Variants in CTSA observed in about 807,000 individuals in gnomAD.
The protein encoded by CTSA is lysosomal protective protein.
CTSA carries 42 observed loss-of-function variants against 66.7 expected under a neutral mutation model. The observed-to-expected ratio is 0.63, with a 90% CI of 0.49 to 0.81. The LOEUF is 0.81. CTSA is among the 40% of genes least tolerant of loss of function. The pLI, the probability that CTSA is intolerant of heterozygous loss-of-function variation, is 0.00. For synonymous variants in CTSA, 225 were observed against 248.6 expected (o/e 0.91, Z 0.89); for missense variants, 525 against 610.9 (o/e 0.86, Z 1.48).
At chr20:45,894,332 G>T (rs1265959025) in intron 8 of CTSA, 4 of 618,620 alleles carry the variant, frequency 6.5e-6, no homozygotes, top group Non-Finnish European at 1.2e-5. Context: ...GCACTGTGCT[G>T]AACTGTGTCT....
chr20:45,891,386 T>G lies in CTSA; in HGVS notation c.-1+7T>G. 6.4e-7 allele frequency: 1 copy of G among 1,569,792 alleles called. No homozygotes were observed. The highest frequency in any genetic ancestry group is 2.0e-4 in the Middle Eastern group (1 of 5,096). On this transcript the variant is annotated splice_region_variant and intron_variant, in intron 1 of 14. Coordinates refer to ENST00000646241, the MANE Select transcript of CTSA (RefSeq NM_000308.4). This position sits in a 1 kb window ranked among gnomAD's most constrained non-coding sequence, Gnocchi z 4.6. ...AGGACGCGGGGGAGCAGAGGTGAGC[T>G]GGCACCGGAGGCTGGAGGGGATCCC...
Position 45,898,010 on chromosome 20 carries a change from G to A in CTSA, c.1260G>A (p.Glu420=). The A allele has an allele frequency of 6.2e-7, 1 of 1,614,178 alleles. No individual in the cohort carries two copies. The highest frequency in any genetic ancestry group is 8.5e-7 in the Non-Finnish European group (1 of 1,180,020). ...WFVDSLNQKM[E]VQRRPWLVKY... is the part of the protein sequence containing the mutation. ...TGTCTTTCCTGGTGGGGCAGATGGA[G>A]GTGCAGCGCCGGCCCTGGTTAGTGA... The change falls in exon 14 of 15, where the codon GAG becomes GAA. Residue 420 remains glutamate (E), a synonymous_variant. Transcript: ENST00000646241. The surrounding 1 kb of genome is among the most constrained non-coding windows in gnomAD (Gnocchi z 4.6).
chr20:45,892,929 T>G (rs2145816266), intron 6 of CTSA, 49 bp downstream of exon 6: 1 of 1,605,594 alleles, frequency 6.2e-7, no homozygotes, highest in East Asian at 2.2e-5. Flanking sequence ...GGCTGTGGCC[T>G]TACAGTTAGC....
chr20:45,897,711 C>T lies in CTSA; in HGVS notation c.1165-6C>T. The T allele has an allele frequency of 3.2e-6, 5 of 1,584,444 alleles. No individual in the cohort carries two copies. Among genetic ancestry groups the T allele is most frequent in the Non-Finnish European group, 2.6e-6 (3 of 1,152,916 alleles). Reference sequence around the variant, plus strand: ...CACCCCTCATTTTTACCCCATCCTGCTTTAGAAATACCAGATCCTATTATA... The same window carrying T: ...CACCCCTCATTTTTACCCCATCCTGTTTTAGAAATACCAGATCCTATTATA... On this transcript the variant is annotated splice_region_variant and splice_polypyrimidine_tract_variant and intron_variant, in intron 12 of 14. Coordinates refer to ENST00000646241, the MANE Select transcript of CTSA (RefSeq NM_000308.4).
intron 13 of CTSA, 23 bp from the exon 14 acceptor site, chr20:45,897,982 T>TGA (rs1164485958): frequency 6.2e-7 from 1 of 1,611,780 alleles, no homozygotes; most frequent in African/African-American, 1.3e-5. Context: ...TGCTGTAGGC[T>TGA]GATGTCTTTC....
intron 11 of CTSA, chr20:45,896,404 G>C (rs1262403790): frequency 5.1e-6 from 1 of 194,796 alleles, no homozygotes; most frequent in Non-Finnish European, 1.1e-5. Flanking sequence ...CCCAGTCCTC[G>C]TAACAACCAA....
At chr20:45,897,542 A>G (rs2083123800) in intron 12 of CTSA, 175 bp from the exon 13 acceptor site, 1 of 619,210 alleles carries the variant, frequency 1.6e-6, no homozygotes, top group Non-Finnish European at 2.9e-6. Flanking sequence ...CTTCACAGAT[A>G]AAACATTTAG....
At chr20:45,893,433 G>T (rs1283943478) in intron 7 of CTSA, 122 bp downstream of exon 7, 5 of 764,814 alleles carry the variant, frequency 6.5e-6, no homozygotes, top group Non-Finnish European at 1.2e-5. Flanking sequence ...GTGGGTTGCA[G>T]AAAGAACCTA....
intron 7 of CTSA, 119 bp from the exon 8 acceptor site, chr20:45,893,869 A>AT: frequency 1.3e-6 from 1 of 762,540 alleles, no homozygotes; most frequent in Non-Finnish European, 2.4e-6. Context: ...ACACCCTGTG[A>AT]TATCTTTCCC....
chr20:45,896,394 C>G (rs1163876310), intron 11 of CTSA: 1 of 195,838 alleles, frequency 5.1e-6, no homozygotes, highest in East Asian at 1.3e-4. Flanking sequence ...CCAGATGCAT[C>G]CCAGTCCTCG....
At chr20:45,893,931 C>A in intron 7 of CTSA, 57 bp from the exon 8 acceptor site, 1 of 1,120,802 alleles carries the variant, frequency 8.9e-7, no homozygotes, top group South Asian at 1.2e-5. Flanking sequence ...TGCTCGCCTC[C>A]TCTGCCTTCC....
At chr20:45,893,548 T>C in intron 7 of CTSA, 2 of 543,674 alleles carry the variant, frequency 3.7e-6, no homozygotes, top group South Asian at 4.1e-5. Flanking sequence ...AGTGGCACGA[T>C]CTTAGCTCAC....
rs2083137543 is a variant in CTSA at position 45,898,435 on chromosome 20, C to T, written c.1428C>T (p.Asn476=). The T allele has an allele frequency of 1.5e-5, 24 of 1,614,020 alleles. No individual in the cohort carries two copies. The highest frequency in any genetic ancestry group is 2.0e-5 in the Non-Finnish European group (24 of 1,179,988). The change falls in exon 15 of 15, where the codon AAC becomes AAT. Residue 476 remains asparagine, a synonymous_variant. Transcript: ENST00000646241. The surrounding 1 kb of genome is among the most constrained non-coding windows in gnomAD (Gnocchi z 4.6). ...AAFTMFSRFL[N]KQPY ...TCACCATGTTCTCCCGCTTCCTGAA[C>T]AAGCAGCCATACTGATGACCACAGC... is the stretch of plus-strand genomic sequence containing the variant.
intron 9 of CTSA, 36 bp downstream of exon 9, chr20:45,894,777 G>T (rs751947042): frequency 3.7e-6 from 6 of 1,606,418 alleles, no homozygotes; most frequent in Admixed American, 3.4e-5. Flanking sequence ...GCCAACCCCA[G>T]CCCCATCTGG....
chr20:45,891,539 A>G lies in CTSA; in HGVS notation c.1-30A>G, dbSNP rs766226288. 1 of 1,585,976 alleles carries G rather than the reference A, an allele frequency of 6.3e-7. No homozygotes were observed. Among genetic ancestry groups the G allele is most frequent in the East Asian group, 2.3e-5 (1 of 43,254 alleles). On this transcript the variant is annotated intron_variant, in intron 1 of 14. Coordinates refer to ENST00000646241, the MANE Select transcript of CTSA (RefSeq NM_000308.4). This position sits in a 1 kb window ranked among gnomAD's most constrained non-coding sequence, Gnocchi z 4.6. The stretch of plus-strand genomic sequence containing the variant: ...TGCTGCACGGAAGCGCTGAGGAGCG[A>G]GTCAACAGCCCCTCTGCTGCCTCCC...
chr20:45,898,289 AGG>A lies in CTSA; in HGVS notation c.1360-77_1360-76del. 1 of 1,403,250 alleles carries A rather than the reference AGG, an allele frequency of 7.1e-7. No homozygotes were observed. Among genetic ancestry groups the A allele is most frequent in the Non-Finnish European group, 1.0e-6 (1 of 1,004,070 alleles). The allele number at this position is 1,403,250 out of a possible 1,614,324, so 86.9% of individuals were successfully genotyped here. A position where few individuals can be genotyped will look rare whatever the true frequency, so the allele number is the denominator to read the frequency against. On this transcript the variant is annotated intron_variant, in intron 14 of 14. Transcript: ENST00000646241. The surrounding 1 kb of genome is among the most constrained non-coding windows in gnomAD (Gnocchi z 4.6). ...GGGAAGAATAAAGGGTTTGGGATGA[AGG>A]AATTGCCCCCGAGTGAGCAGTTATA...
Position 45,892,266 on chromosome 20 carries a change from T to C in CTSA, c.307-7T>C. 15 of 1,613,916 alleles carry C rather than the reference T, an allele frequency of 9.3e-6. No homozygotes were observed. The highest frequency in any genetic ancestry group is 1.3e-5 in the Non-Finnish European group (15 of 1,180,008). ...GGGACTTACTCAGCCATCTCTTTCC[T>C]CCTCAGGTCCAGCCAGATGGTGTCA... On this transcript the variant is annotated splice_polypyrimidine_tract_variant and splice_region_variant and intron_variant, in intron 3 of 14. Coordinates refer to ENST00000646241, the MANE Select transcript of CTSA (RefSeq NM_000308.4).
At position 45,891,517 on chromosome 20, in the gene CTSA, T is replaced by A; in HGVS notation, c.1-52T>A. 6.4e-7 allele frequency: 1 copy of A among 1,563,508 alleles called. No individual in the cohort carries two copies. Among genetic ancestry groups the A allele is most frequent in the Non-Finnish European group, 8.6e-7 (1 of 1,157,242 alleles). On this transcript the variant is annotated intron_variant, in intron 1 of 14. Coordinates refer to ENST00000646241, the MANE Select transcript of CTSA (RefSeq NM_000308.4). The surrounding 1 kb of genome is among the most constrained non-coding windows in gnomAD (Gnocchi z 4.6). ...CCGCCAGCAACTCCCCGGGGGCTGC[T>A]GCACGGAAGCGCTGAGGAGCGAGTC...
intron 13 of CTSA, 89 bp downstream of exon 13, chr20:45,897,895 C>T: frequency 1.3e-6 from 2 of 1,518,448 alleles, no homozygotes; most frequent in Middle Eastern, 1.7e-4. Context: ...GGCTGCCTGG[C>T]TCTGGCCCAC....
Sources: gnomAD v4.1 joint callset for allele counts on GRCh38, gnomAD v4.1.1 for gene constraint, Gnocchi (gnomAD v3.1) non-coding constraint, MANE v1.5 for transcripts, NCBI Gene and HGNC (gene_info 2026-07-23, HGNC 2026-07-21) for gene names.